Variants in SCAPER observed in about 807,000 individuals in gnomAD.
The protein encoded by SCAPER is S phase cyclin A-associated protein in the endoplasmic reticulum.
A neutral mutation model predicts 182.2 loss-of-function variants in SCAPER; 98 were observed. That is an observed-to-expected ratio of 0.54 (90% CI 0.46 to 0.64). SCAPER has a LOEUF of 0.64. SCAPER is among the 30% of genes least tolerant of loss of function. The probability of loss-of-function intolerance (pLI) is 0.00; values close to 1 mark genes in which losing one functional copy is unlikely to be tolerated. For synonymous variants in SCAPER, 605 were observed against 564.6 expected, an observed-to-expected ratio of 1.07 and a Z score of -1.01; for missense variants, 1,432 against 1,690.0, an observed-to-expected ratio of 0.85 and a Z score of 2.68.
At position 76,703,329 on chromosome 15, in the gene SCAPER, T is replaced by C. The variant is rs1379597603; in HGVS notation, c.2248-327A>G. On this transcript the variant is annotated intron_variant, in intron 18 of 31. Coordinates refer to ENST00000563290, the MANE Select transcript of SCAPER (RefSeq NM_020843.4). ...ACCTCCAGTACGTCACTGTGATATA[T>C]GACTCAATGCACCTAGCTTTTAGTA... 2.0e-5 allele frequency among the ~76,000 whole-genome samples: 3 copies of C among 152,214 alleles called. 1 individual carries two copies. The highest frequency in any genetic ancestry group is 4.1e-4 in the South Asian group (2 of 4,836).
chr15:76,677,805 C>T (rs1302154008), intron 20 of SCAPER, among the ~76,000 whole-genome samples: 1 of 150,740 alleles, frequency 6.6e-6, no homozygotes, highest in African/African-American at 2.4e-5. Context: ...AGGTTTATGA[C>T]CTTGATAGTC....
chr15:76,513,812 G>C (rs2042226014), intron 23 of SCAPER, among the ~76,000 whole-genome samples: 1 of 152,156 alleles, frequency 6.6e-6, no homozygotes, highest in Non-Finnish European at 1.5e-5. Context: ...CGTTCAAACT[G>C]CCACCTTTCC....
intron 2 of SCAPER, among the ~76,000 whole-genome samples, chr15:76,874,748 A>G (rs371863424): frequency 2.6e-5 from 4 of 152,086 alleles, no homozygotes; most frequent in Non-Finnish European, 5.9e-5. Flanking sequence ...CTTGAGACCA[A>G]GAGTTCAAGA....
chr15:76,704,234 A>G (rs567200131), intron 18 of SCAPER, among the ~76,000 whole-genome samples: 26 of 152,302 alleles, frequency 1.7e-4, no homozygotes, highest in Non-Finnish European at 3.4e-4. Flanking sequence ...GAAATGTTAG[A>G]TGAGTAGGTT....
At chr15:76,855,519 T>C (rs916549769) in intron 4 of SCAPER, among the ~76,000 whole-genome samples, 1 of 145,076 alleles carries the variant, frequency 6.9e-6, no homozygotes, top group African/African-American at 2.6e-5. Context: ...TTGCAAACCA[T>C]GCATCTGACA....
chr15:76,789,609 TA>T (rs2064859666), intron 8 of SCAPER, among the ~76,000 whole-genome samples: 1 of 152,224 alleles, frequency 6.6e-6, no homozygotes, highest in Non-Finnish European at 1.5e-5. Context: ...ATTATATTTT[TA>T]ATAAACCTTC....
chr15:76,439,245 C>T (rs1265608732), intron 25 of SCAPER, among the ~76,000 whole-genome samples: 1 of 151,986 alleles, frequency 6.6e-6, no homozygotes, highest in Admixed American at 6.6e-5. Context: ...GCCATCAGGC[C>T]CAGCTAATAT....
chr15:76,642,215 C>G lies in SCAPER; in HGVS notation c.2646-20386G>C, dbSNP rs556076202. 1.4e-4 allele frequency among the ~76,000 whole-genome samples: 21 copies of G among 152,222 alleles called. No homozygotes were observed. The South Asian group carries it at 3.1e-3, about 23-fold the overall frequency. ...ATACCAAGACAATTATACTTGATAC[C>G]TTGATTATCCACGTTTTCTTTATCT... On this transcript the variant is annotated intron_variant, in intron 21 of 31. Coordinates refer to ENST00000563290, the MANE Select transcript of SCAPER (RefSeq NM_020843.4).
intron 23 of SCAPER, among the ~76,000 whole-genome samples, chr15:76,517,278 A>G (rs1050074542): frequency 6.6e-6 from 1 of 151,776 alleles, no homozygotes; most frequent in Non-Finnish European, 1.5e-5. Context: ...AAGTAATTTT[A>G]GATTTATAGA....
intron 23 of SCAPER, among the ~76,000 whole-genome samples, chr15:76,514,567 A>G (rs931089093): frequency 2.0e-5 from 3 of 152,172 alleles, no homozygotes; most frequent in Non-Finnish European, 2.9e-5. Flanking sequence ...GTGATCAGGG[A>G]GGAAGGCCTT....
intron 27 of SCAPER, among the ~76,000 whole-genome samples, chr15:76,400,253 T>C (rs993109492): frequency 1.3e-5 from 2 of 152,198 alleles, no homozygotes; most frequent in African/African-American, 4.8e-5. Context: ...TCCTCTTTCA[T>C]TCCTGTCACA....
chr15:76,564,198 T>C (rs1179681517), intron 23 of SCAPER, among the ~76,000 whole-genome samples: 7 of 151,902 alleles, frequency 4.6e-5, no homozygotes, highest in African/African-American at 1.7e-4. Context: ...ATAAAGGACA[T>C]CCAAATAGAA....
intron 25 of SCAPER, 85 bp from the exon 26 acceptor site, chr15:76,434,395 T>C (rs1410090655): frequency 4.2e-5 from 40 of 962,866 alleles, no homozygotes; most frequent in Non-Finnish European, 5.7e-5. Context: ...TCTGGAATCA[T>C]AAGTAATTTT....
intron 22 of SCAPER, among the ~76,000 whole-genome samples, chr15:76,585,988 T>C (rs931117569): frequency 6.6e-6 from 1 of 152,160 alleles, no homozygotes; most frequent in African/African-American, 2.4e-5. Flanking sequence ...AGGCATTGTA[T>C]CTCCCAACCT....
At chr15:76,633,064 C>T (rs1201582966) in intron 21 of SCAPER, among the ~76,000 whole-genome samples, 3 of 152,168 alleles carry the variant, frequency 2.0e-5, no homozygotes, top group Non-Finnish European at 2.9e-5. Flanking sequence ...TAGGTGTAAG[C>T]CACCGTGCCC....
chr15:76,810,360 T>C (rs2066496030), intron 5 of SCAPER, among the ~76,000 whole-genome samples: 1 of 151,706 alleles, frequency 6.6e-6, no homozygotes, highest in South Asian at 2.1e-4. Flanking sequence ...ATTTATAATG[T>C]GGGAGCAAGA....
Position 76,710,074 on chromosome 15 carries a change from G to A in SCAPER, c.2166-4090C>T, listed in dbSNP as rs554814487. 3.9e-5 allele frequency among the ~76,000 whole-genome samples: 6 copies of A among 152,188 alleles called. 1 individual carries two copies. Among genetic ancestry groups the A allele is most frequent in the African/African-American group, 7.2e-5 (3 of 41,508 alleles). On this transcript the variant is annotated intron_variant, in intron 17 of 31. Transcript: ENST00000563290. The stretch of plus-strand genomic sequence containing the variant: ...GTATCACACATAGTAGTGAAAGATC[G>A]AACGCTTTCCCACTAAGATTGAGAA...
chr15:76,474,547 C>T (rs1227245319), intron 24 of SCAPER, among the ~76,000 whole-genome samples: 1 of 152,174 alleles, frequency 6.6e-6, no homozygotes, highest in Non-Finnish European at 1.5e-5. Context: ...TTACTAATTT[C>T]ACGTAATAGC....
chr15:76,682,937 G>A (rs973340349), intron 20 of SCAPER, among the ~76,000 whole-genome samples: 2 of 152,098 alleles, frequency 1.3e-5, no homozygotes, highest in African/African-American at 4.8e-5. Flanking sequence ...AAAAACTGAA[G>A]GAACATCAGC....
Sources: allele counts gnomAD v4.1 joint callset (sites outside exome capture counted in the v4.1 genomes callset), GRCh38; gene constraint gnomAD v4.1.1; transcripts MANE v1.5; gene names NCBI Gene and HGNC (gene_info 2026-07-23, HGNC 2026-07-21).